Variants in GPC6 observed in about 807,000 individuals in gnomAD.
GPC6 encodes the protein glypican-6.
A neutral mutation model predicts 55.2 loss-of-function variants in GPC6; 14 were observed. The ratio of observed to expected loss-of-function variants is 0.25; its 90% CI spans 0.17 to 0.40. The LOEUF (loss-of-function observed/expected upper bound fraction) is 0.40. GPC6 is among the 10% of genes least tolerant of loss of function. The pLI is 1.00. For synonymous variants in GPC6, 278 were observed against 259.6 expected, an observed-to-expected ratio of 1.07 and a Z score of -0.68; for missense variants, 641 against 708.5, an observed-to-expected ratio of 0.90 and a Z score of 1.08.
intron 3 of GPC6, among the ~76,000 whole-genome samples, chr13:93,846,795 T>G (rs1488780209): frequency 3.3e-5 from 5 of 152,044 alleles, no homozygotes; most frequent in African/African-American, 1.2e-4. Flanking sequence ...GCCTCAAATT[T>G]TGGTGTGTAT....
At position 93,830,268 on chromosome 13, in the gene GPC6, A is replaced by G. The variant is rs376926764; in HGVS notation, c.434A>G (p.Glu145Gly). Reference protein sequence around the residue: ...NSEVFQDLFTELKRYYTGGNV... With the variant: ...NSEVFQDLFTGLKRYYTGGNV... Reference sequence around the variant, plus strand: ...GAAGTCTTCCAGGACCTCTTCACAGAGCTGAAAAGGTACTACACTGGGGGT... The same window carrying G: ...GAAGTCTTCCAGGACCTCTTCACAGGGCTGAAAAGGTACTACACTGGGGGT... Residue 145 changes from glutamate (E) to glycine (G), a missense_variant, in exon 3 of 9, where the codon GAG (glutamate) becomes GGG (glycine). Physicochemically the swap from Glu to Gly is moderately conservative, Grantham distance 98 (BLOSUM62 -2). Coordinates refer to ENST00000377047, the MANE Select transcript of GPC6 (RefSeq NM_005708.5). 6.2e-7 allele frequency: 1 copy of G among 1,613,070 alleles called. No individual in the cohort carries two copies. The highest frequency in any genetic ancestry group is 1.3e-5 in the African/African-American group (1 of 74,896).
chr13:93,676,126 A>AAAAAAAT (rs1881602576), intron 2 of GPC6, among the ~76,000 whole-genome samples: 3 of 15,686 alleles, frequency 1.9e-4, no homozygotes, highest in Admixed American at 2.4e-3. Flanking sequence ...AAAAAAAAAA[A>AAAAAAAT]ATATATATAT....
At chr13:93,569,183 T>A (rs2139471377) in intron 2 of GPC6, among the ~76,000 whole-genome samples, 1 of 152,292 alleles carries the variant, frequency 6.6e-6, no homozygotes, top group East Asian at 1.9e-4. Context: ...TATAATAGTC[T>A]TTATTCCTGA....
At chr13:93,638,572 G>A (rs1178864911) in intron 2 of GPC6, among the ~76,000 whole-genome samples, 1 of 151,872 alleles carries the variant, frequency 6.6e-6, no homozygotes, top group East Asian at 1.9e-4. Context: ...TCTTTCCAAG[G>A]CATACCTGTC....
chr13:93,662,080 T>A (rs879798528), intron 2 of GPC6, among the ~76,000 whole-genome samples: 7 of 152,172 alleles, frequency 4.6e-5, no homozygotes, highest in Admixed American at 4.6e-4. Context: ...TCATCCCCTA[T>A]GTGAGTTAGA....
chr13:94,288,883 C>G (rs1317406895), intron 5 of GPC6, among the ~76,000 whole-genome samples: 8 of 5,424 alleles, frequency 1.5e-3, no homozygotes, highest in South Asian at 0.014. Context: ...ATATATATAA[C>G]TAATATATAT....
chr13:93,313,242 C>T (rs1032698849), intron 1 of GPC6, among the ~76,000 whole-genome samples: 8 of 152,030 alleles, frequency 5.3e-5, no homozygotes, highest in Admixed American at 1.3e-4. Context: ...CAAACAACAA[C>T]TAAGAACTAA....
intron 2 of GPC6, among the ~76,000 whole-genome samples, chr13:93,758,105 A>G (rs1490203500): frequency 1.3e-5 from 2 of 152,218 alleles, no homozygotes; most frequent in Non-Finnish European, 2.9e-5. Context: ...TGGAAGTGCA[A>G]CCACATTAAC....
intron 1 of GPC6, among the ~76,000 whole-genome samples, chr13:93,295,594 C>G (rs750261316): frequency 1.3e-5 from 2 of 151,852 alleles, no homozygotes; most frequent in African/African-American, 4.8e-5. Flanking sequence ...CATTCTCCTG[C>G]CTCAGCCTCC....
At chr13:93,631,747 C>T (rs1003393215) in intron 2 of GPC6, among the ~76,000 whole-genome samples, 1 of 152,156 alleles carries the variant, frequency 6.6e-6, no homozygotes, top group Non-Finnish European at 1.5e-5. Context: ...TGTATGTGTT[C>T]CCCATGGCAT....
At chr13:94,272,428 G>A (rs189451888) in intron 4 of GPC6, among the ~76,000 whole-genome samples, 1 of 147,350 alleles carries the variant, frequency 6.8e-6, no homozygotes, top group African/African-American at 2.5e-5. Flanking sequence ...ATTTTGACTG[G>A]TCCTGCTTCT....
chr13:93,384,328 T>G (rs1276336151), intron 1 of GPC6, among the ~76,000 whole-genome samples: 1 of 151,674 alleles, frequency 6.6e-6, no homozygotes, highest in East Asian at 1.9e-4. Context: ...TCTAAAGATA[T>G]GTGAGGATAT....
chr13:93,856,353 A>G (rs1334363959), intron 3 of GPC6, among the ~76,000 whole-genome samples: 4 of 151,604 alleles, frequency 2.6e-5, no homozygotes, highest in African/African-American at 9.7e-5. Flanking sequence ...TAAGTCATCC[A>G]AACATTAACA....
intron 1 of GPC6, among the ~76,000 whole-genome samples, chr13:93,244,159 C>T (rs1056903027): frequency 6.6e-6 from 1 of 152,132 alleles, no homozygotes; most frequent in Non-Finnish European, 1.5e-5. Context: ...ACTTTCGCTG[C>T]ATAAAAGAGT....
At chr13:93,489,151 G>A (rs1418072645) in intron 1 of GPC6, among the ~76,000 whole-genome samples, 1 of 151,496 alleles carries the variant, frequency 6.6e-6, no homozygotes, top group South Asian at 2.1e-4. Flanking sequence ...TTTTGTATAA[G>A]GTGTAAGGAA....
chr13:93,652,306 A>T (rs1349148793), intron 2 of GPC6, among the ~76,000 whole-genome samples: 1 of 152,298 alleles, frequency 6.6e-6, no homozygotes, highest in African/African-American at 2.4e-5. Context: ...GTTAATGCAT[A>T]GAACTCAAAT....
At chr13:93,438,455 G>C (rs1205813454) in intron 1 of GPC6, among the ~76,000 whole-genome samples, 1 of 152,112 alleles carries the variant, frequency 6.6e-6, no homozygotes, top group Non-Finnish European at 1.5e-5. Context: ...ATATTAACAG[G>C]AGTTTGGAAG....
At chr13:93,408,050 C>A (rs1319075910) in intron 1 of GPC6, among the ~76,000 whole-genome samples, 1 of 152,076 alleles carries the variant, frequency 6.6e-6, no homozygotes, top group Non-Finnish European at 1.5e-5. Context: ...TAAGAGAAAT[C>A]TACCAGTTTT....
intron 3 of GPC6, among the ~76,000 whole-genome samples, chr13:94,019,065 G>T (rs1882600442): frequency 1.3e-5 from 2 of 152,132 alleles, no homozygotes; most frequent in South Asian, 4.1e-4. Context: ...ATCAGGTAGT[G>T]CTGCTCTCTC....
Sources: gnomAD v4.1 joint callset for allele counts (sites outside exome capture counted in the v4.1 genomes callset) on GRCh38, gnomAD v4.1.1 for gene constraint, MANE v1.5 for transcripts, NCBI Gene and HGNC (gene_info 2026-07-23, HGNC 2026-07-21) for gene names.